The following SEMA3A variants were observed in gnomAD, a reference collection of about 807,000 sequenced individuals.
The protein encoded by SEMA3A is semaphorin 3A.
Under a neutral mutation model 97.9 loss-of-function variants are expected in SEMA3A, and 29 were observed. The observed-to-expected ratio is 0.30, with a 90% CI of 0.22 to 0.40. SEMA3A has a LOEUF of 0.40. SEMA3A is among the 10% of genes least tolerant of loss of function. SEMA3A has a pLI of 1.00. For synonymous variants in SEMA3A, 321 were observed against 323.7 expected, an observed-to-expected ratio of 0.99 and a Z score of 0.09; for missense variants, 763 against 951.3, an observed-to-expected ratio of 0.80 and a Z score of 2.60.
intron 1 of SEMA3A, among the ~76,000 whole-genome samples, chr7:84,192,781 G>C (rs1444508842): frequency 6.6e-6 from 1 of 151,764 alleles, no homozygotes; most frequent in Non-Finnish European, 1.5e-5. Context: ...TTCAAGCCTA[G>C]CAGATTTTTA....
intron 1 of SEMA3A, among the ~76,000 whole-genome samples, chr7:84,466,195 C>G (rs766086564): frequency 6.6e-6 from 1 of 151,916 alleles, no homozygotes; most frequent in Non-Finnish European, 1.5e-5. Flanking sequence ...GCTTTTGAGA[C>G]GGAGTTTTGC....
intron 1 of SEMA3A, among the ~76,000 whole-genome samples, chr7:84,388,042 A>G (rs1803444848): frequency 1.3e-5 from 2 of 152,150 alleles, no homozygotes; most frequent in South Asian, 4.1e-4. Flanking sequence ...TTCCTATGTT[A>G]AAATATTGCC....
intron 5 of SEMA3A, among the ~76,000 whole-genome samples, chr7:84,052,780 T>C (rs1583879285): frequency 6.7e-6 from 1 of 149,862 alleles, no homozygotes; most frequent in South Asian, 2.1e-4. Flanking sequence ...GCTCTTGCTT[T>C]TCTAGTTCTT....
At chr7:84,223,840 A>G (rs1297222799) in intron 3 of SEMA3A, among the ~76,000 whole-genome samples, 1 of 151,872 alleles carries the variant, frequency 6.6e-6, no homozygotes, top group Non-Finnish European at 1.5e-5. Context: ...ACCCAGTTGC[A>G]GAGTTCACCA....
At chr7:83,992,726 G>C (rs1396910174) in intron 12 of SEMA3A, among the ~76,000 whole-genome samples, 2 of 152,002 alleles carry the variant, frequency 1.3e-5, no homozygotes, top group African/African-American at 4.8e-5. Flanking sequence ...GCTGAGGAGA[G>C]CTTCCCTTCC....
At chr7:84,048,906 T>C (rs1792473685) in intron 5 of SEMA3A, among the ~76,000 whole-genome samples, 1 of 152,172 alleles carries the variant, frequency 6.6e-6, no homozygotes, top group African/African-American at 2.4e-5. Flanking sequence ...AACTAAAAAC[T>C]ATTACTTGGA....
At chr7:84,189,749 A>G in intron 1 of SEMA3A, among the ~76,000 whole-genome samples, 1 of 151,682 alleles carries the variant, frequency 6.6e-6, no homozygotes, top group East Asian at 1.9e-4. Context: ...AATCATATTA[A>G]TTAACTCTAA....
upstream of SEMA3A, among the ~76,000 whole-genome samples, chr7:84,196,446 G>T (rs1322084177): frequency 6.6e-6 from 1 of 152,098 alleles, no homozygotes; most frequent in African/African-American, 2.4e-5. Context: ...GGAGGAAGAG[G>T]AGGATTTAAA....
At chr7:84,336,267 A>G (rs1474317273) in intron 2 of SEMA3A, among the ~76,000 whole-genome samples, 2 of 152,196 alleles carry the variant, frequency 1.3e-5, no homozygotes, top group Non-Finnish European at 2.9e-5. Context: ...CACACAAAAA[A>G]TGTTGGATGG....
intron 2 of SEMA3A, among the ~76,000 whole-genome samples, chr7:84,349,119 T>G (rs1271413844): frequency 6.6e-6 from 1 of 152,222 alleles, no homozygotes; most frequent in East Asian, 1.9e-4. Flanking sequence ...TTGTACTTAA[T>G]TTTTGAAGCA....
intron 2 of SEMA3A, among the ~76,000 whole-genome samples, chr7:84,317,182 C>T (rs547749670): frequency 4.6e-5 from 7 of 152,216 alleles, no homozygotes; most frequent in African/African-American, 1.7e-4. Context: ...AGATTCTTTC[C>T]TTGGAAGGGA....
At chr7:84,297,285 A>C (rs2115808886) in intron 3 of SEMA3A, among the ~76,000 whole-genome samples, 1 of 152,126 alleles carries the variant, frequency 6.6e-6, no homozygotes, top group South Asian at 2.1e-4. Flanking sequence ...CCGAGTTTTT[A>C]ATCACACTTG....
intron 3 of SEMA3A, among the ~76,000 whole-genome samples, chr7:84,242,701 T>C (rs1799393692): frequency 6.6e-6 from 1 of 152,262 alleles, no homozygotes; most frequent in African/African-American, 2.4e-5. Flanking sequence ...GAGGGCATCC[T>C]TGTCTTGAGC....
At chr7:84,446,957 C>T (rs1225277410) in intron 1 of SEMA3A, among the ~76,000 whole-genome samples, 1 of 152,168 alleles carries the variant, frequency 6.6e-6, no homozygotes, top group Non-Finnish European at 1.5e-5. Context: ...CCAGCCACAG[C>T]TGGGGACCCA....
chr7:84,424,878 AATATT>A (rs1216013001), intron 1 of SEMA3A, among the ~76,000 whole-genome samples: 1 of 65,184 alleles, frequency 1.5e-5, no homozygotes, highest in African/African-American at 8.1e-5. Context: ...ATAAATATAT[AATATT>A]ATATATAAAT....
intron 6 of SEMA3A, among the ~76,000 whole-genome samples, chr7:84,035,541 G>GA (rs1791911644): frequency 6.6e-6 from 1 of 151,922 alleles, no homozygotes; most frequent in East Asian, 1.9e-4. Flanking sequence ...AATAATCAAA[G>GA]AAAAAATTAA....
intron 1 of SEMA3A, among the ~76,000 whole-genome samples, chr7:84,436,482 T>C (rs1316157740): frequency 6.6e-6 from 1 of 152,054 alleles, no homozygotes; most frequent in Non-Finnish European, 1.5e-5. Flanking sequence ...AGCAATTCAA[T>C]AAGGAAAAGT....
intron 2 of SEMA3A, among the ~76,000 whole-genome samples, chr7:84,343,484 C>T (rs1355589123): frequency 1.3e-5 from 2 of 152,168 alleles, no homozygotes; most frequent in African/African-American, 4.8e-5. Flanking sequence ...AGCTAGAAAA[C>T]TTAAAGGTAA....
chr7:84,416,934 C>T (rs1259802790), intron 1 of SEMA3A, among the ~76,000 whole-genome samples: 3 of 152,020 alleles, frequency 2.0e-5, no homozygotes, highest in Admixed American at 6.6e-5. Flanking sequence ...TAGCAGACTT[C>T]CAGAGAGAAT....
Sources: allele counts gnomAD v4.1 joint callset (sites outside exome capture counted in the v4.1 genomes callset), GRCh38; gene constraint gnomAD v4.1.1; transcripts MANE v1.5; gene names NCBI Gene and HGNC (gene_info 2026-07-23, HGNC 2026-07-21).